The following PIEZO2 variants were observed in gnomAD, a reference collection of about 807,000 sequenced individuals.
The protein encoded by PIEZO2 is piezo type mechanosensitive ion channel component 2.
A neutral mutation model predicts 337.3 loss-of-function variants in PIEZO2; 172 were observed. The ratio of observed to expected loss-of-function variants is 0.51; its 90% confidence interval spans 0.45 to 0.58. The LOEUF (loss-of-function observed/expected upper bound fraction) is 0.58. Ranked by LOEUF, PIEZO2 falls within the 20% of genes least tolerant of loss-of-function variation. PIEZO2 has a pLI of 0.00. For synonymous variants in PIEZO2, 1,251 were observed against 1,228.5 expected (o/e 1.02, Z -0.38); for missense variants, 3,028 against 3,391.3 (o/e 0.89, Z 2.66).
chr18:10,927,534 C>A (rs1411187824), intron 3 of PIEZO2, among the ~76,000 whole-genome samples: 1 of 152,182 alleles, frequency 6.6e-6, no homozygotes, highest in Admixed American at 6.5e-5. Context: ...ATTACATTTA[C>A]ACAAAAGAAT....
chr18:11,088,543 A>G (rs1158836573), intron 1 of PIEZO2, among the ~76,000 whole-genome samples: 1 of 152,222 alleles, frequency 6.6e-6, no homozygotes, highest in African/African-American at 2.4e-5. Flanking sequence ...GATCACTAGC[A>G]TTATTAATGT....
In PIEZO2 at chr18:11,104,490, TG is replaced by T. The variant is rs1217352317; in HGVS notation, c.65-38269del. On this transcript the variant is annotated intron_variant, in intron 1 of 55. Transcript: ENST00000674853. The surrounding 1 kb of genome is among the most constrained non-coding windows in gnomAD (Gnocchi z 4.6). ...ACGCAGCTGCCCTTCTCTCTAGGGG[TG>T]GGGCAGGGACGGCCTCCTGGGCAGG... Among the ~76,000 whole-genome samples the T allele has an allele frequency of 2.0e-5, 3 of 151,924 alleles. No individual in the cohort carries two copies. The highest frequency in any genetic ancestry group is 4.4e-5 in the Non-Finnish European group (3 of 67,968).
At chr18:10,958,633 G>A (rs774776923) in intron 3 of PIEZO2, among the ~76,000 whole-genome samples, 8 of 151,912 alleles carry the variant, frequency 5.3e-5, no homozygotes, top group Non-Finnish European at 7.4e-5. Context: ...TCAAAACATC[G>A]CCTCATACCC....
At chr18:10,739,766 TG>T (rs1479569705) in intron 33 of PIEZO2, 1 of 152,244 alleles carries the variant, frequency 6.6e-6, no homozygotes, top group Non-Finnish European at 1.5e-5. Context: ...TCTAATCTTG[TG>T]TTTTTCTTTT....
intron 3 of PIEZO2, among the ~76,000 whole-genome samples, chr18:10,911,826 C>T (rs2030510128): frequency 6.6e-6 from 1 of 151,998 alleles, no homozygotes; most frequent in African/African-American, 2.4e-5. Flanking sequence ...TCCATGCCAA[C>T]CCCTCTGGTA....
chr18:10,721,057 T>A (rs2036289957), intron 36 of PIEZO2, among the ~76,000 whole-genome samples: 1 of 152,224 alleles, frequency 6.6e-6, no homozygotes, highest in African/African-American at 2.4e-5. Flanking sequence ...TTTGCAGTTT[T>A]GATATCATTA....
intron 7 of PIEZO2, among the ~76,000 whole-genome samples, chr18:10,840,760 T>C (rs1417616885): frequency 1.3e-5 from 2 of 152,374 alleles, no homozygotes; most frequent in East Asian, 1.9e-4. Flanking sequence ...ACTAGACTCA[T>C]AGCTGTCACT....
rs1230510403 is a variant in PIEZO2, at chr18:10,795,063, C to G, written c.1528-61G>C. Reference sequence around the variant, plus strand: ...AATACAATGCTCAGTCCCCCCCGCCCTGGTAAGGTAAAAACTATCTAAAAA... The same window carrying G: ...AATACAATGCTCAGTCCCCCCCGCCGTGGTAAGGTAAAAACTATCTAAAAA... On this transcript the variant is annotated intron_variant, in intron 12 of 55. Coordinates refer to ENST00000674853, the MANE Select transcript of PIEZO2 (RefSeq NM_001378183.1). This position sits in a 1 kb window ranked among gnomAD's most constrained non-coding sequence, Gnocchi z 4.4. The G allele has an allele frequency of 7.4e-7, 1 of 1,355,616 alleles. No individual in the cohort carries two copies. Among genetic ancestry groups the G allele is most frequent in the African/African-American group, 1.5e-5 (1 of 68,664 alleles). 84.0% of individuals were successfully genotyped at this position (1,355,616 alleles called of 1,614,324 possible). A position where few individuals can be genotyped will look rare whatever the true frequency, so the allele number is the denominator to read the frequency against.
chr18:10,795,364 AT>A lies in PIEZO2; in HGVS notation c.1528-363del, dbSNP rs1568066644. On this transcript the variant is annotated intron_variant, in intron 12 of 55. Coordinates refer to ENST00000674853, the MANE Select transcript of PIEZO2 (RefSeq NM_001378183.1). The surrounding 1 kb of genome is among the most constrained non-coding windows in gnomAD (Gnocchi z 4.4). The stretch of plus-strand genomic sequence containing the variant: ...TTATTTTATTTTATTATTTTATTTT[AT>A]TTTATTTTATTTTATTTTATTTTAT... 6.0e-5 allele frequency among the ~76,000 whole-genome samples: 3 copies of A among 50,220 alleles called. No homozygotes were observed. The highest frequency in any genetic ancestry group is 1.7e-4 in the African/African-American group (3 of 17,608). The allele number at this position is 50,220 out of a possible 152,430, so 32.9% of individuals were successfully genotyped here.
At position 10,848,985 on chromosome 18, in the gene PIEZO2, A is replaced by C. The variant is rs561753842; in HGVS notation, c.917+6368T>G. On this transcript the variant is annotated intron_variant, in intron 7 of 55. Coordinates refer to ENST00000674853, the MANE Select transcript of PIEZO2 (RefSeq NM_001378183.1). Reference sequence around the variant, plus strand: ...ACAAAAAGCCCTCTTTTTGTCAAGAAGTGTCTTTAGAAGAATTCACCCAAG... The same window carrying C: ...ACAAAAAGCCCTCTTTTTGTCAAGACGTGTCTTTAGAAGAATTCACCCAAG... Among the ~76,000 whole-genome samples, 15 of 152,300 alleles carry C rather than the reference A, an allele frequency of 9.8e-5. No individual in the cohort carries two copies. The South Asian group carries it at 2.9e-3, about 29-fold the overall frequency.
At chr18:10,690,813 T>C (rs9957990) in intron 48 of PIEZO2, among the ~76,000 whole-genome samples, 54,688 of 151,998 alleles carry the variant, frequency 0.36, 9,864 homozygotes, top group Non-Finnish European at 0.38. Flanking sequence ...GAATGCTCCT[T>C]TTCAATGGAG....
chr18:10,926,578 A>G (rs868416497), intron 3 of PIEZO2, among the ~76,000 whole-genome samples: 1 of 152,172 alleles, frequency 6.6e-6, no homozygotes, highest in Non-Finnish European at 1.5e-5. Flanking sequence ...TCAGACTTCC[A>G]TTTTATGCTA....
rs906724962 is a variant in PIEZO2, at chr18:10,748,201, G to C, written c.4424+270C>G. 2.6e-5 allele frequency among the ~76,000 whole-genome samples: 4 copies of C among 152,276 alleles called. No individual in the cohort carries two copies. Among genetic ancestry groups the C allele is most frequent in the Admixed American group, 6.5e-5 (1 of 15,304 alleles). ...CAGACTGAGCCACTTCTAGAGAAGT[G>C]GTGGATTCTGCAAGGGCTTCAATTG... On this transcript the variant is annotated intron_variant, in intron 30 of 55. Transcript: ENST00000674853. The surrounding 1 kb of genome is among the most constrained non-coding windows in gnomAD (Gnocchi z 5.1).
intron 3 of PIEZO2, among the ~76,000 whole-genome samples, chr18:10,925,975 T>G (rs889808303): frequency 1.3e-5 from 2 of 152,234 alleles, no homozygotes; most frequent in African/African-American, 4.8e-5. Flanking sequence ...TCATTCTAAG[T>G]TAGCTACACT....
chr18:10,905,095 T>C (rs1383936510), intron 4 of PIEZO2, among the ~76,000 whole-genome samples: 1 of 152,240 alleles, frequency 6.6e-6, no homozygotes, highest in Non-Finnish European at 1.5e-5. Context: ...TATAAACTAC[T>C]TTGACAAAAT....
rs2042841877 is a variant in PIEZO2 at position 10,894,483 on chromosome 18, G to A, written c.329+16703C>T. On this transcript the variant is annotated intron_variant, in intron 4 of 55. Coordinates refer to ENST00000674853, the MANE Select transcript of PIEZO2 (RefSeq NM_001378183.1). This position sits in a 1 kb window ranked among gnomAD's most constrained non-coding sequence, Gnocchi z 4.1. ...AAAAGAAAAAAAAGGCAAAATAGCA[G>A]AGTATGACCTTCCAGGGACATTTCG... The A allele has an allele frequency of 6.6e-6, 1 of 152,218 alleles. No individual in the cohort carries two copies. The highest frequency in any genetic ancestry group is 2.1e-4 in the South Asian group (1 of 4,826). The allele number at this position is 152,218 out of a possible 1,614,324, so 9.4% of individuals were successfully genotyped here.
intron 2 of PIEZO2, among the ~76,000 whole-genome samples, chr18:11,054,232 G>A (rs543855298): frequency 1.6e-4 from 24 of 152,204 alleles, no homozygotes; most frequent in Non-Finnish European, 2.5e-4. Context: ...CCTTGTAAGC[G>A]AAAGCATAAA....
chr18:10,773,728 G>A lies in PIEZO2; in HGVS notation c.2568-99C>T. On this transcript the variant is annotated intron_variant, in intron 19 of 55. Coordinates refer to ENST00000674853, the MANE Select transcript of PIEZO2 (RefSeq NM_001378183.1). This position sits in a 1 kb window ranked among gnomAD's most constrained non-coding sequence, Gnocchi z 5.3. ...GAGGATAAACACAAATGAAATCAGT[G>A]CATGTACAAAGACCTCACAAGGTGG... 1 of 1,172,306 alleles carries A rather than the reference G, an allele frequency of 8.5e-7. No homozygotes were observed. The highest frequency in any genetic ancestry group is 1.4e-5 in the South Asian group (1 of 72,150). The allele number at this position is 1,172,306 out of a possible 1,614,324, so 72.6% of individuals were successfully genotyped here.
At chr18:10,712,741 T>C (rs1333957107) in intron 39 of PIEZO2, among the ~76,000 whole-genome samples, 1 of 152,244 alleles carries the variant, frequency 6.6e-6, no homozygotes, top group Non-Finnish European at 1.5e-5. Flanking sequence ...AATGTGCATA[T>C]TCTTGGGTAG....
Sources: gnomAD v4.1 joint callset for allele counts (sites outside exome capture counted in the v4.1 genomes callset) on GRCh38, gnomAD v4.1.1 for gene constraint, Gnocchi (gnomAD v3.1) non-coding constraint, MANE v1.5 for transcripts, NCBI Gene and HGNC (gene_info 2026-07-23, HGNC 2026-07-21) for gene names.